The following EPB41L4B variants were observed in gnomAD, a reference collection of about 807,000 sequenced individuals.
The protein encoded by EPB41L4B is erythrocyte membrane protein band 4.1 like 4B.
In EPB41L4B, 30 loss-of-function variants were observed where a neutral mutation model predicts 112.5. That is an observed-to-expected ratio of 0.27 (90% confidence interval 0.20 to 0.36). EPB41L4B has a LOEUF of 0.36. Among genes scored for constraint, EPB41L4B ranks in the 10% least tolerant of loss-of-function variants. The pLI is 1.00. For synonymous variants in EPB41L4B, 408 were observed against 439.7 expected (o/e 0.93, Z 0.90); for missense variants, 1,024 against 1,133.3 (o/e 0.90, Z 1.38).
chr9:109,226,943 ATCTTCT>A (rs1002444905), intron 15 of EPB41L4B, among the ~76,000 whole-genome samples: 3 of 151,358 alleles, frequency 2.0e-5, no homozygotes, highest in African/African-American at 7.3e-5. Context: ...GGCTCAAGCA[ATCTTCT>A]TCTCTCAGCC....
chr9:109,249,074 T>A (rs574900842), intron 13 of EPB41L4B, among the ~76,000 whole-genome samples: 279 of 132,674 alleles, frequency 2.1e-3, no homozygotes, highest in Non-Finnish European at 3.3e-3. Flanking sequence ...AAAAAAAAAA[T>A]ATATATATAT....
chr9:109,261,892 G>A (rs144901877), intron 6 of EPB41L4B, among the ~76,000 whole-genome samples: 4 of 152,226 alleles, frequency 2.6e-5, no homozygotes, highest in African/African-American at 9.6e-5. Context: ...GTATTCATAA[G>A]TAATTACTAA....
intron 16 of EPB41L4B, among the ~76,000 whole-genome samples, chr9:109,216,538 G>T (rs1833373127): frequency 6.6e-6 from 1 of 152,026 alleles, no homozygotes; most frequent in African/African-American, 2.4e-5. Flanking sequence ...CTACTCGGGA[G>T]GCTGAGGCAG....
At chr9:109,195,617 T>G (rs1832614083) in intron 20 of EPB41L4B, among the ~76,000 whole-genome samples, 1 of 152,262 alleles carries the variant, frequency 6.6e-6, no homozygotes. Context: ...GAGAATCAGA[T>G]GATATTTAGC....
chr9:109,262,802 C>T (rs1372381387), intron 6 of EPB41L4B, among the ~76,000 whole-genome samples: 1 of 152,188 alleles, frequency 6.6e-6, no homozygotes, highest in Non-Finnish European at 1.5e-5. Flanking sequence ...TCATGGTCTT[C>T]TCATCCCCAC....
At chr9:109,295,665 C>T (rs528829812) in intron 1 of EPB41L4B, among the ~76,000 whole-genome samples, 1 of 152,084 alleles carries the variant, frequency 6.6e-6, no homozygotes, top group Non-Finnish European at 1.5e-5. Context: ...GGACTATGTT[C>T]AGGCGACTGT....
chr9:109,216,491 A>AT (rs1039539822), intron 16 of EPB41L4B, among the ~76,000 whole-genome samples: 10 of 152,084 alleles, frequency 6.6e-5, no homozygotes, highest in African/African-American at 2.4e-4. Context: ...AAATACAAAA[A>AT]TTAGTTGGGT....
chr9:109,311,838 G>A (rs891908458), intron 1 of EPB41L4B, among the ~76,000 whole-genome samples: 2 of 152,174 alleles, frequency 1.3e-5, no homozygotes, highest in African/African-American at 2.4e-5. Context: ...ATACTTACCA[G>A]CAGAGTGGCC....
chr9:109,264,985 A>C lies in EPB41L4B; in HGVS notation c.573T>G (p.Ser191=). The change falls in exon 5 of 26, where the codon TCT becomes TCG. Residue 191 remains serine, a synonymous_variant. Coordinates refer to ENST00000374566, the MANE Select transcript of EPB41L4B (RefSeq NM_019114.5). ...TAGAACAAAAACATACTTACTTTCCAGAAAGAATGTCATGCCTGAGTTGTA... is the reference window on the plus strand; with the variant it reads ...TAGAACAAAAACATACTTACTTTCCCGAAAGAATGTCATGCCTGAGTTGTA... The part of the protein sequence containing the change: ...FVLQLRHDIL[S]GKLKCPYETA... 6.2e-7 allele frequency: 1 copy of C among 1,606,766 alleles called. No individual in the cohort carries two copies. Among genetic ancestry groups the C allele is most frequent in the Non-Finnish European group, 8.5e-7 (1 of 1,178,234 alleles).
At chr9:109,303,207 C>A (rs960294573) in intron 1 of EPB41L4B, among the ~76,000 whole-genome samples, 12 of 151,370 alleles carry the variant, frequency 7.9e-5, no homozygotes, top group Admixed American at 7.9e-4. Flanking sequence ...AGAATATACA[C>A]CAAAATGTTA....
Position 109,176,583 on chromosome 9 carries a change from G to A in EPB41L4B, c.2601C>T (p.Tyr867=), listed in dbSNP as rs1224577790. The stretch of plus-strand genomic sequence containing the variant: ...CCAGAGAAACAGGTTTCCGGGTGGT[G>A]TAAATGGTCTGCACTGTGGAGACGG... ...TETVSTVQTI[Y]TTRKPVSLAA... is the part of the protein sequence containing the mutation. The change falls in exon 25 of 26, where the codon TAC becomes TAT. Residue 867 remains tyrosine (Y), a synonymous_variant. Transcript: ENST00000374566. 5.0e-6 allele frequency: 8 copies of A among 1,612,686 alleles called. No homozygotes were observed. The highest frequency in any genetic ancestry group is 3.4e-5 in the Admixed American group (2 of 59,658).
At position 109,320,608 on chromosome 9, in the gene EPB41L4B, GAGGCCGCGCTCTAGCCGCCTGC is replaced by G. The variant is rs1397120002; in HGVS notation, c.-184_-163del. ...CCCGGGGCAAGCCCGCGCCGAGGCC[GAGGCCGCGCTCTAGCCGCCTGC>G]GGGGCGCGCCGGCCCGGCCAGCGCC... On this transcript the variant is annotated 5_prime_UTR_variant, in exon 1 of 26. Transcript: ENST00000374566. 1 of 187,270 alleles carries G rather than the reference GAGGCCGCGCTCTAGCCGCCTGC, an allele frequency of 5.3e-6. No individual in the cohort carries two copies. The highest frequency in any genetic ancestry group is 8.7e-5 in the Admixed American group (1 of 11,440). The allele number at this position is 187,270 out of a possible 1,614,324, so 11.6% of individuals were successfully genotyped here. A position where few individuals can be genotyped will look rare whatever the true frequency, so the allele number is the denominator to read the frequency against.
chr9:109,297,489 G>A (rs185237766), intron 1 of EPB41L4B, among the ~76,000 whole-genome samples: 5 of 152,302 alleles, frequency 3.3e-5, no homozygotes, highest in Admixed American at 6.5e-5. Context: ...GTCTGTGAAC[G>A]GAGGTGATAG....
At chr9:109,249,015 C>A (rs1306148331) in intron 13 of EPB41L4B, among the ~76,000 whole-genome samples, 2 of 149,360 alleles carry the variant, frequency 1.3e-5, no homozygotes, top group South Asian at 2.1e-4. Context: ...GCCGAGACTG[C>A]GCCACTGCAC....
intron 1 of EPB41L4B, among the ~76,000 whole-genome samples, chr9:109,301,425 A>G (rs1217619116): frequency 2.0e-5 from 3 of 152,190 alleles, no homozygotes; most frequent in Non-Finnish European, 4.4e-5. Flanking sequence ...CTACTTTGAC[A>G]AATGGACTGG....
chr9:109,296,614 A>G (rs1836739319), intron 1 of EPB41L4B, among the ~76,000 whole-genome samples: 1 of 152,098 alleles, frequency 6.6e-6, no homozygotes, highest in African/African-American at 2.4e-5. Flanking sequence ...GGCCAGGTGC[A>G]GTGGCTCACA....
intron 2 of EPB41L4B, among the ~76,000 whole-genome samples, chr9:109,279,060 C>T (rs2119131165): frequency 6.6e-6 from 1 of 152,320 alleles, no homozygotes; most frequent in Middle Eastern, 3.4e-3. Flanking sequence ...CCCCCAACCC[C>T]ACTAAGCCTG....
intron 15 of EPB41L4B, among the ~76,000 whole-genome samples, chr9:109,233,141 T>C (rs921807488): frequency 6.6e-6 from 1 of 152,196 alleles, no homozygotes; most frequent in African/African-American, 2.4e-5. Flanking sequence ...TACAGGGATG[T>C]TCCTCTAATT....
intron 15 of EPB41L4B, among the ~76,000 whole-genome samples, chr9:109,242,435 G>C (rs1834385067): frequency 1.3e-5 from 2 of 152,226 alleles, no homozygotes; most frequent in Non-Finnish European, 2.9e-5. Context: ...AACAGGCAAT[G>C]ATAAGCACAA....
Sources: allele counts gnomAD v4.1 joint callset (sites outside exome capture counted in the v4.1 genomes callset), GRCh38; gene constraint gnomAD v4.1.1; transcripts MANE v1.5; gene names NCBI Gene and HGNC (gene_info 2026-07-23, HGNC 2026-07-21).